Variants in SLC2A13 observed in about 807,000 individuals in gnomAD.
SLC2A13 encodes solute carrier family 2 member 13.
In SLC2A13, 32 loss-of-function variants were observed where a neutral mutation model predicts 64.4. That is an observed-to-expected ratio of 0.50 (90% CI 0.37 to 0.67). The LOEUF is 0.67. SLC2A13 is among the 30% of genes least tolerant of loss of function. The probability of loss-of-function intolerance (pLI) is 0.00; values close to 1 mark genes in which losing one functional copy is unlikely to be tolerated. For missense variants in SLC2A13, 743 were observed against 829.2 expected (o/e 0.90, Z 1.28); for synonymous variants, 338 against 327.1 (o/e 1.03, Z -0.36).
intron 4 of SLC2A13, among the ~76,000 whole-genome samples, chr12:39,877,330 A>G (rs1944212344): frequency 6.6e-6 from 1 of 152,122 alleles, no homozygotes; most frequent in Non-Finnish European, 1.5e-5. Flanking sequence ...TATGCAGGGG[A>G]ACTACCCTTT....
At chr12:40,090,146 C>T (rs1000160108) in intron 1 of SLC2A13, among the ~76,000 whole-genome samples, 1 of 152,086 alleles carries the variant, frequency 6.6e-6, no homozygotes, top group Non-Finnish European at 1.5e-5. Context: ...AATCTACTCA[C>T]CAAGAAATGG....
chr12:39,869,176 A>G (rs1456658419), intron 5 of SLC2A13, among the ~76,000 whole-genome samples: 1 of 152,350 alleles, frequency 6.6e-6, no homozygotes, highest in South Asian at 2.1e-4. Flanking sequence ...CAACTAACAC[A>G]GAATCAGTAT....
At chr12:39,850,534 A>G (rs1224857386) in intron 6 of SLC2A13, among the ~76,000 whole-genome samples, 1 of 152,184 alleles carries the variant, frequency 6.6e-6, no homozygotes, top group Non-Finnish European at 1.5e-5. Context: ...AAGCCAAAAC[A>G]TACACACTTA....
chr12:39,895,512 A>T lies in SLC2A13; in HGVS notation c.1035-23551T>A, dbSNP rs1185695689. ...CTCAAAAAAAAAAAAAAAAAAAAAA[A>T]ATTATATATATATATATATATATAT... On this transcript the variant is annotated intron_variant, in intron 4 of 9. Coordinates refer to ENST00000280871, the MANE Select transcript of SLC2A13 (RefSeq NM_052885.4). Among the ~76,000 whole-genome samples the T allele has an allele frequency of 5.2e-3, 25 of 4,808 alleles. 3 individuals carry two copies. The highest frequency in any genetic ancestry group is 0.014 in the African/African-American group (23 of 1,684). The allele number at this position is 4,808 out of a possible 152,430, so 3.2% of individuals were successfully genotyped here. A position where few individuals can be genotyped will look rare whatever the true frequency, so the allele number is the denominator to read the frequency against.
chr12:40,002,790 C>T (rs1591996701), intron 3 of SLC2A13, among the ~76,000 whole-genome samples: 2 of 151,998 alleles, frequency 1.3e-5, no homozygotes, highest in South Asian at 4.2e-4. Context: ...TACAAAAATG[C>T]CTAGCATGTA....
chr12:40,030,175 T>C (rs1947881850), intron 2 of SLC2A13, among the ~76,000 whole-genome samples: 1 of 152,218 alleles, frequency 6.6e-6, no homozygotes, highest in African/African-American at 2.4e-5. Context: ...CATTTAGCTC[T>C]GCAAATTTAC....
chr12:40,024,457 T>C (rs1210090292), intron 3 of SLC2A13, among the ~76,000 whole-genome samples: 1 of 152,216 alleles, frequency 6.6e-6, no homozygotes, highest in Non-Finnish European at 1.5e-5. Flanking sequence ...CAGTCTTCCC[T>C]CCAGTTCTCT....
intron 1 of SLC2A13, among the ~76,000 whole-genome samples, chr12:40,094,360 T>A (rs1055907861): frequency 1.3e-5 from 2 of 152,048 alleles, no homozygotes; most frequent in Non-Finnish European, 2.9e-5. Flanking sequence ...GGAGTAAATG[T>A]AGAGAAGAGG....
chr12:39,963,481 C>T (rs1415585585), intron 3 of SLC2A13, among the ~76,000 whole-genome samples: 1 of 152,140 alleles, frequency 6.6e-6, no homozygotes, highest in African/African-American at 2.4e-5. Flanking sequence ...ACTAACAATA[C>T]ACTAGGCATA....
chr12:40,050,752 G>A (rs964833468), intron 1 of SLC2A13, among the ~76,000 whole-genome samples: 2 of 152,142 alleles, frequency 1.3e-5, no homozygotes, highest in Admixed American at 1.3e-4. Context: ...TATATTGACG[G>A]ATCATCATAA....
chr12:39,927,192 AC>A (rs1267183174), intron 4 of SLC2A13, among the ~76,000 whole-genome samples: 1 of 152,188 alleles, frequency 6.6e-6, no homozygotes, highest in African/African-American at 2.4e-5. Flanking sequence ...TTTTGAGTCC[AC>A]ACCCATTCCT....
intron 3 of SLC2A13, among the ~76,000 whole-genome samples, chr12:39,996,341 T>C (rs185594885): frequency 6.6e-6 from 1 of 152,262 alleles, no homozygotes. Flanking sequence ...AGACATTCAG[T>C]TTTATCAGGG....
chr12:40,061,026 C>T (rs892148879), intron 1 of SLC2A13, among the ~76,000 whole-genome samples: 2 of 152,030 alleles, frequency 1.3e-5, no homozygotes, highest in Non-Finnish European at 2.9e-5. Flanking sequence ...TATGTAACTT[C>T]AGATTTTGTT....
At chr12:39,770,256 C>G (rs1363692605) in intron 7 of SLC2A13, among the ~76,000 whole-genome samples, 1 of 152,006 alleles carries the variant, frequency 6.6e-6, no homozygotes, top group African/African-American at 2.4e-5. Context: ...ATCTTTCTTC[C>G]AAGTTCCACT....
At chr12:40,016,805 T>A (rs1367062098) in intron 3 of SLC2A13, among the ~76,000 whole-genome samples, 1 of 152,202 alleles carries the variant, frequency 6.6e-6, no homozygotes, top group Non-Finnish European at 1.5e-5. Context: ...CTTTCATATT[T>A]GAAATTTCAT....
intron 2 of SLC2A13, among the ~76,000 whole-genome samples, chr12:40,029,183 AT>A: frequency 6.6e-6 from 1 of 152,194 alleles, no homozygotes. Context: ...AAAATTCAAA[AT>A]AGCAAACAAC....
chr12:39,776,577 G>A (rs1209923904), intron 7 of SLC2A13, among the ~76,000 whole-genome samples: 5 of 152,218 alleles, frequency 3.3e-5, no homozygotes. Context: ...TGTAGGCAGA[G>A]GCCATACTGC....
chr12:40,078,929 C>T (rs1347361574), intron 1 of SLC2A13, among the ~76,000 whole-genome samples: 13 of 151,966 alleles, frequency 8.6e-5, no homozygotes, highest in South Asian at 2.1e-4. Flanking sequence ...TAGAGGTATT[C>T]GTAATAGTTT....
chr12:39,795,212 G>C (rs1002559528), intron 7 of SLC2A13, among the ~76,000 whole-genome samples: 1 of 151,526 alleles, frequency 6.6e-6, no homozygotes. Context: ...CTCTCTGTGT[G>C]TGTCACATCT....
Sources: allele counts gnomAD v4.1 joint callset (sites outside exome capture counted in the v4.1 genomes callset), GRCh38; gene constraint gnomAD v4.1.1; transcripts MANE v1.5; gene names NCBI Gene and HGNC (gene_info 2026-07-23, HGNC 2026-07-21).